ARHGAP26: variants seen among roughly 807,000 people sequenced by gnomAD.
ARHGAP26 encodes the protein Rho GTPase activating protein 26.
ARHGAP26 carries 38 observed loss-of-function variants against 104.8 expected under a neutral mutation model. The ratio of observed to expected loss-of-function variants is 0.36; its 90% CI spans 0.28 to 0.48. The LOEUF (loss-of-function observed/expected upper bound fraction) is 0.48, where lower values mean the gene tolerates loss of function less well. Ranked by LOEUF, ARHGAP26 falls within the 20% of genes least tolerant of loss-of-function variation. The pLI, the probability that ARHGAP26 is intolerant of heterozygous loss-of-function variation, is 0.99. For missense variants in ARHGAP26, 704 were observed against 947.9 expected (o/e 0.74, Z 3.38); for synonymous variants, 341 against 340.0 (o/e 1.00, Z -0.03).
At chr5:142,893,543 G>C (rs562151658) in intron 5 of ARHGAP26, among the ~76,000 whole-genome samples, 1 of 152,150 alleles carries the variant, frequency 6.6e-6, no homozygotes, top group Non-Finnish European at 1.5e-5. Flanking sequence ...GTTGTGAGTA[G>C]TGCTGCAATA....
At chr5:143,208,454 CATGCTATTTATATATATACAG>C (rs1808946377) in intron 21 of ARHGAP26, among the ~76,000 whole-genome samples, 1 of 152,164 alleles carries the variant, frequency 6.6e-6, no homozygotes, top group African/African-American at 2.4e-5. Flanking sequence ...AAGAAAACCC[CATGCTATTTATATATATACAG>C]ATACATATAT....
intron 1 of ARHGAP26, among the ~76,000 whole-genome samples, chr5:142,782,315 T>C (rs1050700557): frequency 6.6e-6 from 1 of 152,166 alleles, no homozygotes; most frequent in African/African-American, 2.4e-5. Flanking sequence ...GCTACAGGTA[T>C]AGGTTTGGCT....
intron 11 of ARHGAP26, among the ~76,000 whole-genome samples, chr5:143,003,987 G>A (rs1305591835): frequency 7.5e-6 from 1 of 133,180 alleles, no homozygotes; most frequent in Non-Finnish European, 1.5e-5. Flanking sequence ...AGACTCCAGG[G>A]ATGCCTCGTG....
At chr5:143,118,680 A>G (rs1795775109) in intron 17 of ARHGAP26, among the ~76,000 whole-genome samples, 1 of 152,154 alleles carries the variant, frequency 6.6e-6, no homozygotes, top group African/African-American at 2.4e-5. Context: ...GCTGAGGCAG[A>G]AAGCTCTCTT....
intron 18 of ARHGAP26, among the ~76,000 whole-genome samples, chr5:143,126,133 A>G (rs1434454104): frequency 6.6e-6 from 1 of 152,248 alleles, no homozygotes; most frequent in East Asian, 1.9e-4. Flanking sequence ...ATAAAGTGTT[A>G]TGGCATCACT....
At chr5:143,082,802 A>G (rs1017958339) in intron 17 of ARHGAP26, among the ~76,000 whole-genome samples, 4 of 152,220 alleles carry the variant, frequency 2.6e-5, no homozygotes, top group Non-Finnish European at 5.9e-5. Context: ...ATAAAATAAG[A>G]TTATTCATTT....
intron 20 of ARHGAP26, chr5:143,172,864 C>T (rs1213447394): frequency 6.0e-6 from 1 of 167,426 alleles, no homozygotes; most frequent in Non-Finnish European, 1.3e-5. Flanking sequence ...AATATAAATA[C>T]CCGAAGGGCA....
At chr5:142,796,052 T>TTTTG in intron 1 of ARHGAP26, among the ~76,000 whole-genome samples, 1 of 136,458 alleles carries the variant, frequency 7.3e-6, no homozygotes, top group East Asian at 2.3e-4. Flanking sequence ...TAAGGTGTTT[T>TTTTG]TCTGTGTGTG....
chr5:142,875,292 T>A, intron 3 of ARHGAP26, 121 bp downstream of exon 3: 1 of 921,178 alleles, frequency 1.1e-6, no homozygotes, highest in South Asian at 1.4e-5. Context: ...TTTGAGCTCT[T>A]CAGCAAGCCT....
At chr5:142,961,619 T>G (rs1468095425) in intron 11 of ARHGAP26, among the ~76,000 whole-genome samples, 3 of 152,246 alleles carry the variant, frequency 2.0e-5, no homozygotes, top group Admixed American at 6.5e-5. Context: ...TGGGTATTAC[T>G]GGCTATGAAT....
intron 11 of ARHGAP26, among the ~76,000 whole-genome samples, chr5:142,997,967 G>A (rs1776647235): frequency 6.6e-6 from 1 of 152,164 alleles, no homozygotes; most frequent in Admixed American, 6.5e-5. Flanking sequence ...ATTGAATAAG[G>A]TGATGTCTTT....
rs1427078563 is a variant in ARHGAP26, at chr5:142,770,832, C to T, written c.71C>T (p.Ser24Leu). The T allele has an allele frequency of 1.9e-6, 3 of 1,610,404 alleles. No homozygotes were observed. The highest frequency in any genetic ancestry group is 1.7e-4 in the Middle Eastern group (1 of 6,050). Reference sequence around the variant, plus strand: ...CCGCACTTCCGAGAGACGCTCAAGTCGCACGAAGCAGAGCTGGACAAGACC... The same window carrying T: ...CCGCACTTCCGAGAGACGCTCAAGTTGCACGAAGCAGAGCTGGACAAGACC... ...DSPHFRETLK[S>L]HEAELDKTNK... The change falls in exon 1 of 23, where the codon TCG (serine) becomes TTG (leucine). Residue 24 changes from serine (S) to leucine (L), a missense_variant. Around this residue, in one of 6 missense-constraint regions of ARHGAP26, gnomAD observed 77 missense variants for 82.6 expected, o/e 0.93. Transcript: ENST00000645722.
intron 11 of ARHGAP26, among the ~76,000 whole-genome samples, chr5:142,943,728 A>G (rs984985268): frequency 1.3e-5 from 2 of 152,162 alleles, no homozygotes; most frequent in African/African-American, 4.8e-5. Context: ...ATATAGCACA[A>G]AAGCCCCTTT....
intron 5 of ARHGAP26, 32 bp from the exon 6 acceptor site, chr5:142,894,206 G>A: frequency 6.3e-7 from 1 of 1,594,738 alleles, no homozygotes; most frequent in Non-Finnish European, 8.6e-7. Flanking sequence ...GTAGTGACTT[G>A]ATTTTTCTCT....
At chr5:143,098,177 A>G (rs897371520) in intron 17 of ARHGAP26, among the ~76,000 whole-genome samples, 19 of 152,196 alleles carry the variant, frequency 1.2e-4, no homozygotes, top group African/African-American at 4.3e-4. Context: ...CTTGTTCTAC[A>G]GCTGTGCTTG....
intron 17 of ARHGAP26, among the ~76,000 whole-genome samples, chr5:143,103,623 A>C (rs1187149767): frequency 6.6e-6 from 1 of 152,220 alleles, no homozygotes; most frequent in Admixed American, 6.5e-5. Context: ...AGCCATAAAA[A>C]AGAATAAGTT....
rs12187464 is a variant in ARHGAP26, at chr5:142,922,411, T to C, written c.1028+9118T>C. On this transcript the variant is annotated intron_variant, in intron 10 of 22. Transcript: ENST00000645722. ...CTGTCCTATATACACCTTGTATACA[T>C]TGACAGAAGAGTGTGTGTGTGTGTG... Among the ~76,000 whole-genome samples the C allele has an allele frequency of 4.7e-3, 682 of 143,858 alleles. 6 individuals carry two copies. Among genetic ancestry groups the C allele is most frequent in the Non-Finnish European group, 6.5e-3 (439 of 67,258 alleles). 94.4% of individuals were successfully genotyped at this position (143,858 alleles called of 152,430 possible).
At chr5:143,114,229 G>A (rs1009067966) in intron 17 of ARHGAP26, among the ~76,000 whole-genome samples, 11 of 152,174 alleles carry the variant, frequency 7.2e-5, no homozygotes, top group Non-Finnish European at 1.5e-4. Flanking sequence ...TACACAGAAC[G>A]ATGTATCTGA....
At chr5:142,893,941 G>GT (rs67423184) in intron 5 of ARHGAP26, among the ~76,000 whole-genome samples, 2,661 of 139,926 alleles carry the variant, frequency 0.019, 39 homozygotes, top group African/African-American at 0.029. Flanking sequence ...TTATTTGTGG[G>GT]TTTTTTTTTT....
Sources: allele counts gnomAD v4.1 joint callset (sites outside exome capture counted in the v4.1 genomes callset), GRCh38; gene constraint gnomAD v4.1.1; regional missense constraint gnomAD v4.1.1; transcripts MANE v1.5; gene names NCBI Gene and HGNC (gene_info 2026-07-23, HGNC 2026-07-21).